The following LOC728392 variants were observed in gnomAD, a reference collection of about 807,000 sequenced individuals.
chr17:5,499,680 C>G, the LOC728392 span: 1 of 789,508 alleles, frequency 1.3e-6, no homozygotes, highest in Non-Finnish European at 1.5e-6. Flanking sequence ...TGAGAAATCC[C>G]TCAGCCCCTT....
At chr17:5,500,474 GAAAC>G in the LOC728392 span, 16 of 1,151,098 alleles carry the variant, frequency 1.4e-5, no homozygotes, top group South Asian at 2.0e-4. This position sits in a 1 kb window ranked among gnomAD's most constrained non-coding sequence, Gnocchi z 5.4. Context: ...AAGACGGAAA[GAAAC>G]AAGCATCGAA....
chr17:5,500,341 CTCAA>C, the LOC728392 span: 1 of 1,047,680 alleles, frequency 9.5e-7, no homozygotes, highest in East Asian at 1.1e-4. The surrounding 1 kb of genome is among the most constrained non-coding windows in gnomAD (Gnocchi z 5.4). Flanking sequence ...ATAAACGGGG[CTCAA>C]TCACACCCCA....
At chr17:5,500,917 C>G in the LOC728392 span, 6 of 1,262,018 alleles carry the variant, frequency 4.8e-6, no homozygotes, top group South Asian at 2.6e-5. The surrounding 1 kb of genome is among the most constrained non-coding windows in gnomAD (Gnocchi z 5.4). Flanking sequence ...CGAATCTGCT[C>G]GAGACCCCAG....
chr17:5,500,307 T>C, the LOC728392 span: 3 of 1,014,654 alleles, frequency 3.0e-6, no homozygotes, highest in Non-Finnish European at 3.5e-6. The surrounding 1 kb of genome is among the most constrained non-coding windows in gnomAD (Gnocchi z 5.4). Context: ...CACAGAGTGG[T>C]AGGGGTCCAG....
chr17:5,500,891 G>A, the LOC728392 span: 3 of 1,258,650 alleles, frequency 2.4e-6, no homozygotes, highest in Non-Finnish European at 3.1e-6. The surrounding 1 kb of genome is among the most constrained non-coding windows in gnomAD (Gnocchi z 5.4). Context: ...ACAGGCCTTC[G>A]GACTCGGGGT....
the LOC728392 span, chr17:5,500,757 G>C: frequency 3.3e-6 from 4 of 1,224,174 alleles, no homozygotes; most frequent in African/African-American, 1.7e-5. The surrounding 1 kb of genome is among the most constrained non-coding windows in gnomAD (Gnocchi z 5.4). Context: ...TGCGGCCTTC[G>C]GGGGCTGCCC....
the LOC728392 span, chr17:5,500,738 G>A: frequency 1.6e-6 from 2 of 1,238,802 alleles, no homozygotes; most frequent in Non-Finnish European, 2.1e-6. The surrounding 1 kb of genome is among the most constrained non-coding windows in gnomAD (Gnocchi z 5.4). Context: ...TCTTGGGCGG[G>A]GGGCGCGATG....
chr17:5,500,671 T>C, the LOC728392 span: 3 of 1,273,030 alleles, frequency 2.4e-6, no homozygotes, highest in East Asian at 7.5e-5. This position sits in a 1 kb window ranked among gnomAD's most constrained non-coding sequence, Gnocchi z 5.4. Context: ...TAGATGAAGA[T>C]GGAGAGGTGC....
chr17:5,499,533 A>C, the LOC728392 span: 1 of 153,680 alleles, frequency 6.5e-6, no homozygotes, highest in African/African-American at 2.4e-5. Context: ...GCGTTTTAAC[A>C]TTTAACATTC....
the LOC728392 span, chr17:5,500,904 G>A: frequency 1.6e-6 from 2 of 1,260,798 alleles, no homozygotes; most frequent in South Asian, 1.3e-5. This position sits in a 1 kb window ranked among gnomAD's most constrained non-coding sequence, Gnocchi z 5.4. Flanking sequence ...CTCGGGGTCC[G>A]GGCGAATCTG....
the LOC728392 span, chr17:5,499,829 C>A: frequency 1.0e-6 from 1 of 985,888 alleles, no homozygotes; most frequent in South Asian, 4.7e-5. Flanking sequence ...TCTGGGCCTG[C>A]GTGCCGGCGG....
At chr17:5,500,151 C>T in the LOC728392 span, 2 of 987,038 alleles carry the variant, frequency 2.0e-6, no homozygotes, top group Non-Finnish European at 2.4e-6. The surrounding 1 kb of genome is among the most constrained non-coding windows in gnomAD (Gnocchi z 5.4). Flanking sequence ...CGGCCCACCC[C>T]GGGCCAGGGC....
At chr17:5,499,960 G>GA in the LOC728392 span, 1 of 985,890 alleles carries the variant, frequency 1.0e-6, no homozygotes, top group Admixed American at 6.1e-5. Context: ...TCTAAGGCAG[G>GA]AAAAACACAC....
At chr17:5,500,169 C>G in the LOC728392 span, 5 of 986,768 alleles carry the variant, frequency 5.1e-6, no homozygotes, top group Non-Finnish European at 4.8e-6. The surrounding 1 kb of genome is among the most constrained non-coding windows in gnomAD (Gnocchi z 5.4). Context: ...GGCGCCGACC[C>G]TCCCTGCCGG....
chr17:5,500,699 G>A, the LOC728392 span: 17 of 1,266,872 alleles, frequency 1.3e-5, no homozygotes, highest in Middle Eastern at 2.2e-4. This position sits in a 1 kb window ranked among gnomAD's most constrained non-coding sequence, Gnocchi z 5.4. Context: ...GGTCGAGATA[G>A]CAGCCCTCGT....
chr17:5,500,828 C>A, the LOC728392 span: 1 of 1,193,342 alleles, frequency 8.4e-7, no homozygotes, highest in Non-Finnish European at 1.1e-6. The surrounding 1 kb of genome is among the most constrained non-coding windows in gnomAD (Gnocchi z 5.4). Context: ...CCGCGGCCGA[C>A]GCCGACCTGG....
At chr17:5,500,856 G>A in the LOC728392 span, 2 of 1,232,688 alleles carry the variant, frequency 1.6e-6, no homozygotes, top group Non-Finnish European at 2.1e-6. The surrounding 1 kb of genome is among the most constrained non-coding windows in gnomAD (Gnocchi z 5.4). Context: ...GGCAGCGGGA[G>A]GGTCTTCCGG....
the LOC728392 span, chr17:5,500,158 G>C: frequency 1.0e-6 from 1 of 986,650 alleles, no homozygotes; most frequent in South Asian, 4.7e-5. The surrounding 1 kb of genome is among the most constrained non-coding windows in gnomAD (Gnocchi z 5.4). Context: ...CCCCGGGCCA[G>C]GGCGCCGACC....
At chr17:5,499,802 C>T in the LOC728392 span, 3 of 986,066 alleles carry the variant, frequency 3.0e-6, no homozygotes, top group Non-Finnish European at 3.6e-6. Flanking sequence ...GAGTCTCATC[C>T]TCAGGAGTGC....
Sources: allele counts gnomAD v4.1 joint callset, GRCh38; gene constraint gnomAD v4.1.1; non-coding constraint Gnocchi (gnomAD v3.1); transcripts MANE v1.5.